Variants in SDC3 observed in about 807,000 individuals in gnomAD.
SDC3 encodes syndecan-3.
A neutral mutation model predicts 24.4 loss-of-function variants in SDC3; 13 were observed. The observed-to-expected ratio is 0.53, with a 90% CI of 0.35 to 0.85. The LOEUF (loss-of-function observed/expected upper bound fraction) is 0.85. SDC3 is among the 40% of genes least tolerant of loss of function. SDC3 has a pLI of 0.01. For synonymous variants in SDC3, 295 were observed against 260.9 expected, an observed-to-expected ratio of 1.13 and a Z score of -1.26; for missense variants, 571 against 584.5, an observed-to-expected ratio of 0.98 and a Z score of 0.24.
intron 1 of SDC3, among the ~76,000 whole-genome samples, chr1:30,893,522 C>T (rs1319381856): frequency 6.6e-6 from 1 of 151,994 alleles, no homozygotes; most frequent in Non-Finnish European, 1.5e-5. Context: ...GCCCAGCTCA[C>T]GCGTCCCCTC....
chr1:30,874,594 G>A lies in SDC3; in HGVS notation c.871-6C>T. 5.6e-6 allele frequency: 9 copies of A among 1,613,130 alleles called. No homozygotes were observed. Among genetic ancestry groups the A allele is most frequent in the Non-Finnish European group, 7.6e-6 (9 of 1,179,398 alleles). ...AAGGTCTCTGGAGTTGGGGTCTGCA[G>A]AGAGGGTGGCATGAGCCCAGGACAA... is the stretch of plus-strand genomic sequence containing the variant. On this transcript the variant is annotated splice_polypyrimidine_tract_variant and splice_region_variant and intron_variant, in intron 3 of 4. Transcript: ENST00000339394.
chr1:30,883,665 T>G (rs1281206053), intron 1 of SDC3, among the ~76,000 whole-genome samples: 1 of 152,004 alleles, frequency 6.6e-6, no homozygotes, highest in Non-Finnish European at 1.5e-5. Context: ...GGCTGCAACT[T>G]CAAGGCTACA....
rs891466886 is a variant in SDC3 at position 30,869,935 on chromosome 1, G to T, written c.*3276C>A. ...GCCAGGCAGGCACCTGGGGGATGCT[G>T]GGGCCATCGGCTCTCAGATGGCAAC... On this transcript the variant is annotated 3_prime_UTR_variant, in exon 5 of 5. Transcript: ENST00000339394. 1 of 398,572 alleles carries T rather than the reference G, an allele frequency of 2.5e-6. No individual in the cohort carries two copies. Among genetic ancestry groups the T allele is most frequent in the South Asian group, 1.3e-4 (1 of 7,804 alleles). 24.7% of individuals were successfully genotyped at this position (398,572 alleles called of 1,614,324 possible).
rs1184476754 is a variant in SDC3 at position 30,876,858 on chromosome 1, G to A, written c.564C>T (p.Pro188=). 1 of 1,613,422 alleles carries A rather than the reference G, an allele frequency of 6.2e-7. No individual in the cohort carries two copies. The change falls in exon 3 of 5, where the codon CCC becomes CCT. Residue 188 remains proline (P), a synonymous_variant. Transcript: ENST00000339394. ...TAAAAGGGGGTGCTGCAGGGGTGCT[G>A]GGGGTGGCGGTGGCCACTGTGGCAG... The part of the protein sequence containing the change: ...TVPATVATAT[P]STPAAPPFTA...
intron 1 of SDC3, among the ~76,000 whole-genome samples, chr1:30,886,308 A>T (rs553009460): frequency 6.8e-4 from 104 of 152,184 alleles, no homozygotes; most frequent in Middle Eastern, 3.4e-3. Flanking sequence ...GGCACTAGAT[A>T]TGTCCCCACA....
chr1:30,905,960 G>GACACACACAC (rs140209147), intron 1 of SDC3, among the ~76,000 whole-genome samples: 10 of 147,592 alleles, frequency 6.8e-5, no homozygotes, highest in East Asian at 2.0e-4. Flanking sequence ...AAGACACGAA[G>GACACACACAC]ACACACACAC....
chr1:30,908,003 C>T (rs1250981288), intron 1 of SDC3, among the ~76,000 whole-genome samples: 3 of 152,192 alleles, frequency 2.0e-5, no homozygotes, highest in African/African-American at 7.2e-5. Flanking sequence ...CCAGCCGGGA[C>T]GGCGACCCCC....
intron 1 of SDC3, among the ~76,000 whole-genome samples, chr1:30,879,416 T>C (rs1019286865): frequency 3.9e-5 from 6 of 152,206 alleles, no homozygotes; most frequent in Admixed American, 3.9e-4. Flanking sequence ...CCGTGACGAA[T>C]TGCTGGGTCT....
At chr1:30,873,772 G>C (rs975511917) in intron 4 of SDC3, among the ~76,000 whole-genome samples, 1 of 152,158 alleles carries the variant, frequency 6.6e-6, no homozygotes, top group Admixed American at 6.5e-5. Context: ...TCTTAGAATT[G>C]ATTAAGGGCA....
intron 1 of SDC3, among the ~76,000 whole-genome samples, chr1:30,894,341 GGTGTGTGGA>G (rs1639958620): frequency 1.8e-5 from 2 of 109,804 alleles, no homozygotes; most frequent in African/African-American, 3.4e-5. Context: ...GTGTGTGTGG[GGTGTGTGGA>G]TGAGTGTGTG....
rs2124304245 is a variant in SDC3, at chr1:30,873,036, C to T, written c.*175G>A. The stretch of plus-strand genomic sequence containing the variant: ...AGTCTGGGGCAGATGGCAGCAGCCC[C>T]TCTTCCTCGGGGAAGATCTGTGTGA... On this transcript the variant is annotated 3_prime_UTR_variant, in exon 5 of 5. Transcript: ENST00000339394. 1 of 629,234 alleles carries T rather than the reference C, an allele frequency of 1.6e-6. No individual in the cohort carries two copies. The highest frequency in any genetic ancestry group is 1.9e-5 in the South Asian group (1 of 53,142). The allele number at this position is 629,234 out of a possible 1,614,324, so 39.0% of individuals were successfully genotyped here.
intron 1 of SDC3, among the ~76,000 whole-genome samples, chr1:30,902,389 G>A (rs1308863946): frequency 2.6e-5 from 4 of 152,214 alleles, no homozygotes; most frequent in African/African-American, 9.6e-5. Context: ...GCGGGAGGGG[G>A]GCCGGAAGTG....
At chr1:30,874,141 CT>C (rs1212340193) in intron 4 of SDC3, among the ~76,000 whole-genome samples, 155 bp downstream of exon 4, 1 of 152,106 alleles carries the variant, frequency 6.6e-6, no homozygotes, top group Non-Finnish European at 1.5e-5. Flanking sequence ...AAGGCAGGTC[CT>C]GGGGGGTTGA....
intron 3 of SDC3, among the ~76,000 whole-genome samples, chr1:30,875,859 A>G (rs1639628349): frequency 6.6e-6 from 1 of 152,144 alleles, no homozygotes. Flanking sequence ...CGTCTGTAAA[A>G]TGAGATGACC....
chr1:30,869,578 T>C lies in SDC3; in HGVS notation c.*3633A>G. The C allele has an allele frequency of 2.5e-6, 1 of 396,776 alleles. No individual in the cohort carries two copies. Among genetic ancestry groups the C allele is most frequent in the Non-Finnish European group, 4.4e-6 (1 of 225,740 alleles). 24.6% of individuals were successfully genotyped at this position (396,776 alleles called of 1,614,324 possible). ...AAAAAAAAACAAAAACAAAACCAGT[T>C]CCTTCACAAGGCTGGAACAGGAGAG... On this transcript the variant is annotated 3_prime_UTR_variant, in exon 5 of 5. Coordinates refer to ENST00000339394, the MANE Select transcript of SDC3 (RefSeq NM_014654.4).
chr1:30,879,562 C>A (rs1037237245), intron 1 of SDC3, among the ~76,000 whole-genome samples: 16 of 152,294 alleles, frequency 1.1e-4, no homozygotes, highest in South Asian at 4.1e-4. Context: ...ACAACCTGAA[C>A]CAGCCAACCT....
At chr1:30,893,857 G>C (rs935596033) in intron 1 of SDC3, among the ~76,000 whole-genome samples, 1 of 152,106 alleles carries the variant, frequency 6.6e-6, no homozygotes, top group African/African-American at 2.4e-5. Flanking sequence ...CCAGAGTGTG[G>C]TAAATAACAT....
At chr1:30,888,320 C>T (rs1639860261) in intron 1 of SDC3, among the ~76,000 whole-genome samples, 1 of 152,136 alleles carries the variant, frequency 6.6e-6, no homozygotes, top group Admixed American at 6.6e-5. Context: ...CACATGGAGG[C>T]CCCTAAGAGC....
chr1:30,882,717 C>T (rs1392647969), intron 1 of SDC3, among the ~76,000 whole-genome samples: 2 of 152,240 alleles, frequency 1.3e-5, no homozygotes, highest in African/African-American at 4.8e-5. Context: ...CCCACCCCAT[C>T]CTCTCTCAGA....
Sources: gnomAD v4.1 joint callset for allele counts (sites outside exome capture counted in the v4.1 genomes callset) on GRCh38, gnomAD v4.1.1 for gene constraint, MANE v1.5 for transcripts, NCBI Gene and HGNC (gene_info 2026-07-23, HGNC 2026-07-21) for gene names.